Variants in BRPF3 observed in about 807,000 individuals in gnomAD.
BRPF3 encodes the protein bromodomain and PHD finger-containing protein 3.
Under a neutral mutation model 102.0 loss-of-function variants are expected in BRPF3, and 18 were observed. That is an observed-to-expected ratio of 0.18 (90% CI 0.12 to 0.26). The LOEUF is 0.26. Among genes scored for constraint, BRPF3 ranks in the 10% least tolerant of loss-of-function variants. The pLI is 1.00. For missense variants in BRPF3, 1,147 were observed against 1,567.8 expected (o/e 0.73, Z 4.53); for synonymous variants, 570 against 614.2 (o/e 0.93, Z 1.06).
chr6:36,225,511 C>T, intron 11 of BRPF3, 147 bp downstream of exon 11: 2 of 623,464 alleles, frequency 3.2e-6, no homozygotes, highest in East Asian at 5.6e-5. Context: ...CTGAGTGGGT[C>T]AAACTAGCAA....
chr6:36,229,922 C>G (rs893543685), intron 12 of BRPF3, among the ~76,000 whole-genome samples: 16 of 152,202 alleles, frequency 1.1e-4, no homozygotes, highest in Non-Finnish European at 2.2e-4. Flanking sequence ...AAAACAAGAT[C>G]TTGCTCCAAA....
chr6:36,225,731 T>A (rs1272816172), intron 11 of BRPF3, among the ~76,000 whole-genome samples: 2 of 152,234 alleles, frequency 1.3e-5, no homozygotes, highest in African/African-American at 4.8e-5. Context: ...GTATGATTAT[T>A]ACATTTTGTA....
At chr6:36,203,004 C>A (rs1380755606) in intron 2 of BRPF3, among the ~76,000 whole-genome samples, 1 of 152,190 alleles carries the variant, frequency 6.6e-6, no homozygotes, top group Non-Finnish European at 1.5e-5. Context: ...GTTAGAATTT[C>A]AGTGACTCTG....
Position 36,204,783 on chromosome 6 carries a change from C to A in BRPF3, c.1574C>A (p.Ser525Tyr), listed in dbSNP as rs763666019. ...GTCCCTCTTATCCGGCGCTTGCACT[C>A]CCATCTGCAGTCCCAAAGAAACGCT... is the stretch of plus-strand genomic sequence containing the variant. Reference protein sequence around the residue: ...NGVPLIRRLHSHLQSQRNAEQ... With the variant: ...NGVPLIRRLHYHLQSQRNAEQ... Residue 525 changes from serine (S) to tyrosine (Y), a missense_variant, in exon 3 of 13, where the codon TCC becomes TAC. Ser to Tyr is a moderately radical substitution (Grantham distance 144, BLOSUM62 -2). Around this residue, in one of 11 missense-constraint regions of BRPF3, gnomAD observed 37 missense variants for 33.3 expected, o/e 1.11. Transcript: ENST00000357641. 6.2e-7 allele frequency: 1 copy of A among 1,614,260 alleles called. No individual in the cohort carries two copies. Among genetic ancestry groups the A allele is most frequent in the South Asian group, 1.1e-5 (1 of 91,086 alleles).
chr6:36,207,842 TG>T (rs1160345285), intron 4 of BRPF3, among the ~76,000 whole-genome samples: 4 of 152,246 alleles, frequency 2.6e-5, no homozygotes, highest in Non-Finnish European at 5.9e-5. Context: ...TAAACACTTA[TG>T]GTCCTGAATC....
At position 36,210,081 on chromosome 6, in the gene BRPF3, G is replaced by A. The variant is rs1768047369; in HGVS notation, c.1867-135G>A. On this transcript the variant is annotated intron_variant, in intron 5 of 12. Transcript: ENST00000357641. This position sits in a 1 kb window ranked among gnomAD's most constrained non-coding sequence, Gnocchi z 4.7. The stretch of plus-strand genomic sequence containing the variant: ...TGATGAGGGGTCAGCAGGCCAGGGT[G>A]GGCCAGGACTGTAGGTCTTTGAGTT... 5.0e-6 allele frequency: 7 copies of A among 1,391,038 alleles called. No individual in the cohort carries two copies. The highest frequency in any genetic ancestry group is 2.9e-5 in the African/African-American group (2 of 69,958). 86.2% of individuals were successfully genotyped at this position (1,391,038 alleles called of 1,614,324 possible).
At chr6:36,203,986 C>T (rs1254894974) in intron 2 of BRPF3, among the ~76,000 whole-genome samples, 1 of 152,206 alleles carries the variant, frequency 6.6e-6, no homozygotes, top group Non-Finnish European at 1.5e-5. Context: ...TCTCCTACCC[C>T]TTTTCCTCCC....
At chr6:36,222,095 G>A in intron 9 of BRPF3, 73 bp from the exon 10 acceptor site, 2 of 1,416,882 alleles carry the variant, frequency 1.4e-6, no homozygotes, top group Non-Finnish European at 1.9e-6. Flanking sequence ...AGAGGGGAGA[G>A]GGGAGAAGGG....
chr6:36,209,269 G>A (rs1014568259), intron 4 of BRPF3, among the ~76,000 whole-genome samples: 1 of 152,164 alleles, frequency 6.6e-6, no homozygotes, highest in East Asian at 1.9e-4. Context: ...GGTAATACAA[G>A]TACAGAGTTA....
intron 12 of BRPF3, among the ~76,000 whole-genome samples, chr6:36,229,983 C>T (rs1768880440): frequency 6.6e-6 from 1 of 152,188 alleles, no homozygotes; most frequent in South Asian, 2.1e-4. Flanking sequence ...TTTAAAAACA[C>T]ATACACAGTG....
chr6:36,220,254 A>G (rs1304275852), intron 9 of BRPF3, among the ~76,000 whole-genome samples: 2 of 152,222 alleles, frequency 1.3e-5, no homozygotes, highest in African/African-American at 2.4e-5. Context: ...TCATCATTCT[A>G]TAGTACAGTA....
intron 9 of BRPF3, among the ~76,000 whole-genome samples, chr6:36,218,499 G>T (rs143131718): frequency 8.2e-4 from 119 of 144,784 alleles, no homozygotes; most frequent in African/African-American, 2.6e-3. Flanking sequence ...CTTGCTTGCT[G>T]CCCAGGCTGG....
Position 36,200,294 on chromosome 6 carries a change from T to G in BRPF3, c.-26-3T>G. On this transcript the variant is annotated splice_region_variant and splice_polypyrimidine_tract_variant and intron_variant, in intron 1 of 12. Coordinates refer to ENST00000357641, the MANE Select transcript of BRPF3 (RefSeq NM_015695.3). This position sits in a 1 kb window ranked among gnomAD's most constrained non-coding sequence, Gnocchi z 5.3. Reference sequence around the variant, plus strand: ...TCATAGTCTCCTGGCCTTCTCTCCTTAGGCCTGTCCCCTCAGTTCCCAGGT... The same window carrying G: ...TCATAGTCTCCTGGCCTTCTCTCCTGAGGCCTGTCCCCTCAGTTCCCAGGT... 1 of 1,600,426 alleles carries G rather than the reference T, an allele frequency of 6.2e-7. No homozygotes were observed. The highest frequency in any genetic ancestry group is 8.5e-7 in the Non-Finnish European group (1 of 1,173,368).
chr6:36,203,170 A>G (rs576401812), intron 2 of BRPF3, among the ~76,000 whole-genome samples: 1 of 152,356 alleles, frequency 6.6e-6, no homozygotes, highest in Non-Finnish European at 1.5e-5. Context: ...TGGGGCCAGC[A>G]GAGCTTGCTG....
At chr6:36,229,374 G>T (rs1180235373) in intron 12 of BRPF3, among the ~76,000 whole-genome samples, 15 of 152,238 alleles carry the variant, frequency 9.9e-5, no homozygotes, top group Admixed American at 9.8e-4. Flanking sequence ...GGCACATCTG[G>T]AGCTGGGTGG....
chr6:36,215,400 G>T (rs961788043), intron 8 of BRPF3, among the ~76,000 whole-genome samples: 2 of 152,148 alleles, frequency 1.3e-5, no homozygotes, highest in Non-Finnish European at 2.9e-5. Context: ...ATGAGCCACC[G>T]CGCCCCACCT....
chr6:36,213,817 A>G (rs1768218936), intron 7 of BRPF3, 63 bp from the exon 8 acceptor site: 3 of 1,505,414 alleles, frequency 2.0e-6, no homozygotes, highest in Non-Finnish European at 2.7e-6. Context: ...CAGTGTCAGT[A>G]TCTAGCTTGT....
rs1482017061 is a variant in BRPF3 at position 36,230,388 on chromosome 6, C to G, written c.3435-38C>G. ...CAGGAGCCCGAGCCCCCTGTGAGACCCACTACTGCCCAGCCTCTTACTGTG... is the reference window on the plus strand; with the variant it reads ...CAGGAGCCCGAGCCCCCTGTGAGACGCACTACTGCCCAGCCTCTTACTGTG... On this transcript the variant is annotated intron_variant, in intron 12 of 12. Transcript: ENST00000357641. This position sits in a 1 kb window ranked among gnomAD's most constrained non-coding sequence, Gnocchi z 5.4. The G allele has an allele frequency of 6.2e-7, 1 of 1,602,914 alleles. No individual in the cohort carries two copies. Among genetic ancestry groups the G allele is most frequent in the Non-Finnish European group, 8.5e-7 (1 of 1,172,658 alleles).
rs555391367 is a variant in BRPF3 at position 36,213,719 on chromosome 6, C to A, written c.2483-161C>A. Reference sequence around the variant, plus strand: ...TCCTGTCTCTGAAAAAAAAAAAAAACCTAATCCTCCTTTCTCTTTGCTTCA... The same window carrying A: ...TCCTGTCTCTGAAAAAAAAAAAAAAACTAATCCTCCTTTCTCTTTGCTTCA... On this transcript the variant is annotated intron_variant, in intron 7 of 12. Transcript: ENST00000357641. 3.0e-4 allele frequency: 210 copies of A among 703,778 alleles called. 2 individuals carry two copies. In the South Asian group the frequency reaches 3.3e-3, roughly 11 times the overall value. 43.6% of individuals were successfully genotyped at this position (703,778 alleles called of 1,614,324 possible).
Sources: gnomAD v4.1 joint callset for allele counts (sites outside exome capture counted in the v4.1 genomes callset) on GRCh38, gnomAD v4.1.1 for gene constraint, gnomAD v4.1.1 regional missense constraint, Gnocchi (gnomAD v3.1) non-coding constraint, MANE v1.5 for transcripts, NCBI Gene and HGNC (gene_info 2026-07-23, HGNC 2026-07-21) for gene names.